FBXL22: variants seen among roughly 807,000 people sequenced by gnomAD.
FBXL22 encodes F-box and leucine rich repeat protein 22.
FBXL22 carries 13 observed loss-of-function variants against 11.7 expected under a neutral mutation model. That is an observed-to-expected ratio of 1.11 (90% CI 0.73 to 1.77). The LOEUF (loss-of-function observed/expected upper bound fraction) is 1.77. FBXL22 is among the 40% of genes most tolerant of loss of function. The pLI is 0.00. For missense variants in FBXL22, 406 were observed against 320.4 expected (o/e 1.27, Z -2.04); for synonymous variants, 160 against 144.1 (o/e 1.11, Z -0.79).
rs571923129 is a variant in FBXL22, at chr15:63,600,706, C to T, written c.363C>T (p.Asn121=). ...FLLRVCDRCP[N]LASVTLSGCG... ...CGCACTCTCCTCACAGGTGCCCCAA[C>T]CTGGCGTCCGTCACGCTCTCGGGCT... The change falls in exon 2 of 2, where the codon AAC becomes AAT. Residue 121 remains asparagine, a synonymous_variant. Transcript: ENST00000638704. The T allele has an allele frequency of 8.9e-6, 11 of 1,231,434 alleles. No individual in the cohort carries two copies. The African/African-American group carries it at 1.6e-4, about 17-fold the overall frequency. 76.3% of individuals were successfully genotyped at this position (1,231,434 alleles called of 1,614,324 possible).
chr15:63,600,401 C>T, intron 1 of FBXL22: 1 of 1,169,400 alleles, frequency 8.6e-7, no homozygotes, highest in Non-Finnish European at 1.1e-6. Flanking sequence ...TTCCCTCTGT[C>T]CACAGCCGCC....
rs1017177358 is a variant in FBXL22, at chr15:63,597,769, A to C, written c.353+24A>C. The C allele has an allele frequency of 6.5e-7, 1 of 1,542,806 alleles. No homozygotes were observed. Among genetic ancestry groups the C allele is most frequent in the Admixed American group, 1.8e-5 (1 of 55,962 alleles). ...AGGTAGGCCACCTTGCCTCCTGAGC[A>C]GTGCTGGCCCCGCTAGCTCTGGCTT... On this transcript the variant is annotated intron_variant, in intron 1 of 1. Coordinates refer to ENST00000638704, the MANE Select transcript of FBXL22 (RefSeq NM_001367807.1). The surrounding 1 kb of genome is among the most constrained non-coding windows in gnomAD (Gnocchi z 4.3).
downstream of FBXL22, chr15:63,601,816 C>T: frequency 7.6e-7 from 1 of 1,321,766 alleles, no homozygotes; most frequent in South Asian, 1.6e-5. Flanking sequence ...AAGCCTCAAA[C>T]TAAACAAAAA....
chr15:63,606,982 A>AG (rs1317690630), downstream of FBXL22, among the ~76,000 whole-genome samples: 1 of 151,466 alleles, frequency 6.6e-6, no homozygotes, highest in Non-Finnish European at 1.5e-5. Flanking sequence ...GCTCAGCAAG[A>AG]GGGACGCAGG....
downstream of FBXL22, chr15:63,601,742 G>A: frequency 1.9e-6 from 3 of 1,543,394 alleles, no homozygotes; most frequent in Middle Eastern, 1.8e-4. Context: ...TACATAAACT[G>A]CATAGTTACC....
downstream of FBXL22, among the ~76,000 whole-genome samples, chr15:63,605,895 G>A (rs959345040): frequency 1.3e-5 from 2 of 152,210 alleles, no homozygotes; most frequent in African/African-American, 4.8e-5. Flanking sequence ...CCCCAGTGCC[G>A]GCAGAGAGAC....
At chr15:63,602,104 T>A, downstream of FBXL22, 1 of 171,832 alleles carries the variant, frequency 5.8e-6, no homozygotes, top group Non-Finnish European at 1.2e-5. Flanking sequence ...CAGCGCCAGC[T>A]GCGACAAAGC....
chr15:63,605,041 G>A (rs1002362059), downstream of FBXL22, among the ~76,000 whole-genome samples: 2 of 151,980 alleles, frequency 1.3e-5, no homozygotes, highest in African/African-American at 2.4e-5. Context: ...CTGCGCAGCT[G>A]AGCAAGACTC....
chr15:63,600,749 G>T lies in FBXL22; in HGVS notation c.406G>T (p.Asp136Tyr), dbSNP rs576214671. ...CTCGGGCTGCGGCCACGTTACCGAC[G>T]ACTGCCTGGCGCGCCTGCTGCGCTG... ...TLSGCGHVTD[D>Y]CLARLLRCCP... The change falls in exon 2 of 2, where the codon GAC (aspartate) becomes TAC (tyrosine). Residue 136 changes from aspartate to tyrosine, a missense_variant. By Grantham distance (160) the Asp-to-Tyr change is radical (BLOSUM62 -3). Coordinates refer to ENST00000638704, the MANE Select transcript of FBXL22 (RefSeq NM_001367807.1). 8.1e-7 allele frequency: 1 copy of T among 1,231,428 alleles called. No homozygotes were observed. The highest frequency in any genetic ancestry group is 1.0e-6 in the Non-Finnish European group (1 of 987,754). The allele number at this position is 1,231,428 out of a possible 1,614,324, so 76.3% of individuals were successfully genotyped here. A position where few individuals can be genotyped will look rare whatever the true frequency, so the allele number is the denominator to read the frequency against.
At chr15:63,598,752 T>C (rs2067315333) in intron 1 of FBXL22, among the ~76,000 whole-genome samples, 1 of 152,144 alleles carries the variant, frequency 6.6e-6, no homozygotes, top group Admixed American at 6.5e-5. Context: ...CACCTTTCTT[T>C]TGAGCTGGTA....
rs2067360350 is a variant in FBXL22 at position 63,600,916 on chromosome 15, C to A, written c.573C>A (p.Arg191=). The A allele has an allele frequency of 1.6e-6, 2 of 1,215,634 alleles. No homozygotes were observed. The highest frequency in any genetic ancestry group is 3.1e-5 in the African/African-American group (2 of 63,598). 75.3% of individuals were successfully genotyped at this position (1,215,634 alleles called of 1,614,324 possible). ...FCRNVSAAGL[R]RLRAACPRLA... Reference sequence around the variant, plus strand: ...GCAACGTGAGCGCGGCCGGCCTGCGCCGCCTGCGCGCCGCGTGCCCGCGCC... The same window carrying A: ...GCAACGTGAGCGCGGCCGGCCTGCGACGCCTGCGCGCCGCGTGCCCGCGCC... The change falls in exon 2 of 2, where the codon CGC becomes CGA. Residue 191 remains arginine (R), a synonymous_variant. Coordinates refer to ENST00000638704, the MANE Select transcript of FBXL22 (RefSeq NM_001367807.1).
rs2067295395 is a variant in FBXL22 at position 63,597,713 on chromosome 15, G to C, written c.321G>C (p.Leu107=). The stretch of plus-strand genomic sequence containing the variant: ...GCATCTGCAGCCGGCACGAGAGCCT[G>C]GTCAATGATTTCCTCCTCCGGGTGT... The part of the protein sequence containing the change: ...QRSICSRHES[L]VNDFLLRVCD... The change falls in exon 1 of 2, where the codon CTG becomes CTC. Residue 107 remains leucine, a synonymous_variant. Coordinates refer to ENST00000638704, the MANE Select transcript of FBXL22 (RefSeq NM_001367807.1). This position sits in a 1 kb window ranked among gnomAD's most constrained non-coding sequence, Gnocchi z 4.3. 2 of 1,594,488 alleles carry C rather than the reference G, an allele frequency of 1.3e-6. No individual in the cohort carries two copies. Among genetic ancestry groups the C allele is most frequent in the Admixed American group, 1.7e-5 (1 of 59,654 alleles).
the FBXL22 span, among the ~76,000 whole-genome samples, chr15:63,607,633 A>G: frequency 4.1e-4 from 63 of 152,278 alleles, no homozygotes; most frequent in African/African-American, 1.4e-3. Context: ...GCAAAACCTT[A>G]TTTTTCTTTT....
chr15:63,605,114 A>G (rs2067407161), downstream of FBXL22, among the ~76,000 whole-genome samples: 1 of 152,212 alleles, frequency 6.6e-6, no homozygotes, highest in Non-Finnish European at 1.5e-5. Flanking sequence ...TTAGGTTAGC[A>G]TATAACAAAG....
chr15:63,597,722 T>C lies in FBXL22; in HGVS notation c.330T>C (p.Asp110=). 14 of 1,591,232 alleles carry C rather than the reference T, an allele frequency of 8.8e-6. No individual in the cohort carries two copies. The highest frequency in any genetic ancestry group is 1.2e-5 in the Non-Finnish European group (14 of 1,165,384). ...ICSRHESLVN[D]FLLRVCDRCP... ...GCCGGCACGAGAGCCTGGTCAATGA[T>C]TTCCTCCTCCGGGTGTGCGACAGGT... The change falls in exon 1 of 2, where the codon GAT becomes GAC. Residue 110 remains aspartate, a synonymous_variant. Transcript: ENST00000638704. The surrounding 1 kb of genome is among the most constrained non-coding windows in gnomAD (Gnocchi z 4.3).
chr15:63,606,042 G>T (rs192635946), downstream of FBXL22, among the ~76,000 whole-genome samples: 1 of 152,346 alleles, frequency 6.6e-6, no homozygotes, highest in Admixed American at 6.5e-5. Flanking sequence ...GTTCGGAGGG[G>T]AAGTGACTGA....
Position 63,600,959 on chromosome 15 carries a change from C to A in FBXL22, c.616C>A (p.His206Asn), listed in dbSNP as rs2067361195. The A allele has an allele frequency of 6.7e-6, 8 of 1,194,966 alleles. No homozygotes were observed. The highest frequency in any genetic ancestry group is 1.6e-5 in the African/African-American group (1 of 62,788). The allele number at this position is 1,194,966 out of a possible 1,614,324, so 74.0% of individuals were successfully genotyped here. ...ACPRLALRAE[H>N]SAAMLPDQPP... is the part of the protein sequence containing the mutation. Reference sequence around the variant, plus strand: ...CCCGCGCCTGGCCCTGCGGGCAGAGCACAGCGCCGCCATGCTGCCCGACCA... The same window carrying A: ...CCCGCGCCTGGCCCTGCGGGCAGAGAACAGCGCCGCCATGCTGCCCGACCA... The change falls in exon 2 of 2, where the codon CAC becomes AAC. Residue 206 changes from histidine (H) to asparagine (N), a missense_variant. Transcript: ENST00000638704.
downstream of FBXL22, among the ~76,000 whole-genome samples, chr15:63,606,387 G>A (rs2067412998): frequency 1.3e-5 from 2 of 152,242 alleles, no homozygotes; most frequent in African/African-American, 4.8e-5. Context: ...ACGTTTGCTT[G>A]AGGCTGCTTA....
intron 1 of FBXL22, chr15:63,599,959 T>A: frequency 1.0e-6 from 1 of 985,642 alleles, no homozygotes; most frequent in Non-Finnish European, 1.2e-6. Context: ...AAACCAAGTC[T>A]AACTTGGCTC....
Sources: allele counts gnomAD v4.1 joint callset (sites outside exome capture counted in the v4.1 genomes callset), GRCh38; gene constraint gnomAD v4.1.1; non-coding constraint Gnocchi (gnomAD v3.1); transcripts MANE v1.5; gene names NCBI Gene and HGNC (gene_info 2026-07-23, HGNC 2026-07-21).